DDHD1: variants seen among roughly 807,000 people sequenced by gnomAD.
The protein encoded by DDHD1 is phospholipase DDHD1.
In DDHD1, 49 loss-of-function variants were observed where a neutral mutation model predicts 96.4. The observed-to-expected ratio is 0.51, with a 90% CI of 0.40 to 0.64. DDHD1 has a LOEUF of 0.64. Ranked by LOEUF, DDHD1 falls within the 30% of genes least tolerant of loss-of-function variation. The pLI, the probability that DDHD1 is intolerant of heterozygous loss-of-function variation, is 0.00. For synonymous variants in DDHD1, 442 were observed against 446.5 expected, an observed-to-expected ratio of 0.99 and a Z score of 0.13; for missense variants, 1,106 against 1,161.2, an observed-to-expected ratio of 0.95 and a Z score of 0.69.
intron 3 of DDHD1, 107 bp downstream of exon 3, chr14:53,093,209 A>C (rs1886583987): frequency 8.6e-7 from 1 of 1,160,624 alleles, no homozygotes; most frequent in African/African-American, 1.6e-5. Flanking sequence ...ACTAAATTTA[A>C]TATACTTAAA....
rs955546373 is a variant in DDHD1, at chr14:53,040,510, A to G, written c.*6258T>C. The stretch of plus-strand genomic sequence containing the variant: ...GGTGAGCAAGATAACAAACGGATCA[A>G]TTCAGCTAGAGAAACACAGTATAAT... On this transcript the variant is annotated 3_prime_UTR_variant, in exon 13 of 13. Transcript: ENST00000673822. 1 of 152,218 alleles carries G rather than the reference A, an allele frequency of 6.6e-6. No homozygotes were observed. The highest frequency in any genetic ancestry group is 2.4e-5 in the African/African-American group (1 of 41,466). The allele number at this position is 152,218 out of a possible 1,614,324, so 9.4% of individuals were successfully genotyped here. A position where few individuals can be genotyped will look rare whatever the true frequency, so the allele number is the denominator to read the frequency against.
Position 53,045,383 on chromosome 14 carries a change from G to A in DDHD1, c.*1385C>T, listed in dbSNP as rs527337690. 8 of 152,178 alleles carry A rather than the reference G, an allele frequency of 5.3e-5. No homozygotes were observed. The East Asian group carries it at 1.6e-3, about 30-fold the overall frequency. 9.4% of individuals were successfully genotyped at this position (152,178 alleles called of 1,614,324 possible). A position where few individuals can be genotyped will look rare whatever the true frequency, so the allele number is the denominator to read the frequency against. On this transcript the variant is annotated 3_prime_UTR_variant, in exon 13 of 13. Coordinates refer to ENST00000673822, the MANE Select transcript of DDHD1 (RefSeq NM_001160148.2). Reference sequence around the variant, plus strand: ...ACTACAGGTGTACACCACTACAAGTGGCTAATTTTTGTCAGTTTTTGCAGA... The same window carrying A: ...ACTACAGGTGTACACCACTACAAGTAGCTAATTTTTGTCAGTTTTTGCAGA...
intron 1 of DDHD1, among the ~76,000 whole-genome samples, chr14:53,135,827 C>T (rs1566599252): frequency 6.6e-6 from 1 of 152,154 alleles, no homozygotes; most frequent in East Asian, 1.9e-4. Flanking sequence ...ATATATGTAA[C>T]AATGATTTTC....
intron 4 of DDHD1, among the ~76,000 whole-genome samples, chr14:53,086,780 G>T (rs1188308848): frequency 6.6e-6 from 1 of 151,958 alleles, no homozygotes; most frequent in African/African-American, 2.4e-5. Flanking sequence ...CATAATGACA[G>T]GATCAAATTC....
intron 1 of DDHD1, among the ~76,000 whole-genome samples, chr14:53,115,576 C>T (rs1410355100): frequency 6.6e-6 from 1 of 152,152 alleles, no homozygotes; most frequent in Non-Finnish European, 1.5e-5. Context: ...CAATATTCAA[C>T]ATTCTTAAGG....
intron 1 of DDHD1, among the ~76,000 whole-genome samples, chr14:53,116,085 TAA>T (rs1888521801): frequency 6.6e-6 from 1 of 152,156 alleles, no homozygotes; most frequent in African/African-American, 2.4e-5. Flanking sequence ...TCCTAATCTC[TAA>T]TAAAACAGAC....
At chr14:53,067,395 T>C (rs1053092992) in intron 6 of DDHD1, among the ~76,000 whole-genome samples, 4 of 151,770 alleles carry the variant, frequency 2.6e-5, no homozygotes, top group Non-Finnish European at 5.9e-5. Flanking sequence ...CAGCCTCAAG[T>C]GATCTGCCCG....
Position 53,040,652 on chromosome 14 carries a change from T to C in DDHD1, c.*6116A>G, listed in dbSNP as rs762383130. ...GAATAAAAGTTTAAAGTTTCTGTCA[T>C]CCAAACTGATCACTGCAGAGAGAAA... On this transcript the variant is annotated 3_prime_UTR_variant, in exon 13 of 13. Transcript: ENST00000673822. 2.0e-5 allele frequency: 3 copies of C among 152,162 alleles called. No homozygotes were observed. The highest frequency in any genetic ancestry group is 4.4e-5 in the Non-Finnish European group (3 of 68,036). The allele number at this position is 152,162 out of a possible 1,614,324, so 9.4% of individuals were successfully genotyped here.
intron 3 of DDHD1, chr14:53,092,785 G>A (rs531947263): frequency 5.9e-5 from 9 of 152,290 alleles, no homozygotes; most frequent in Admixed American, 5.2e-4. Context: ...TTAGTTCCAG[G>A]TTATGATGTG....
chr14:53,089,165 G>T (rs930028518), intron 4 of DDHD1, among the ~76,000 whole-genome samples: 4 of 151,984 alleles, frequency 2.6e-5, no homozygotes, highest in Admixed American at 6.6e-5. Context: ...AAATAAAAGA[G>T]GACACAAACA....
At chr14:53,130,766 C>T (rs867669669) in intron 1 of DDHD1, among the ~76,000 whole-genome samples, 12 of 152,190 alleles carry the variant, frequency 7.9e-5, no homozygotes, top group Non-Finnish European at 1.5e-4. Flanking sequence ...CACTGGAAAT[C>T]GGACTGTCCA....
chr14:53,131,903 GA>G (rs1301394849), intron 1 of DDHD1, among the ~76,000 whole-genome samples: 1 of 152,038 alleles, frequency 6.6e-6, no homozygotes, highest in East Asian at 1.9e-4. Flanking sequence ...AATTCTTCAT[GA>G]AAACATGCAT....
At chr14:53,058,448 G>GA (rs753312536) in intron 9 of DDHD1, 29 bp downstream of exon 9, 22 of 1,575,806 alleles carry the variant, frequency 1.4e-5, no homozygotes, top group South Asian at 7.1e-5. Flanking sequence ...TTGACATTGA[G>GA]AAAAAAAAGA....
chr14:53,152,127 C>CGTGGTG, intron 1 of DDHD1, 134 bp downstream of exon 1: 5 of 899,012 alleles, frequency 5.6e-6, no homozygotes, highest in Admixed American at 3.5e-5. Flanking sequence ...CCTGCTCAAT[C>CGTGGTG]TCCATCCTGC....
intron 4 of DDHD1, among the ~76,000 whole-genome samples, chr14:53,082,145 T>C (rs1228979485): frequency 6.6e-6 from 1 of 152,228 alleles, no homozygotes; most frequent in African/African-American, 2.4e-5. Context: ...CTGCTATGCA[T>C]GCACAAAAAT....
At chr14:53,047,862 T>C (rs1409520116) in intron 12 of DDHD1, among the ~76,000 whole-genome samples, 1 of 152,214 alleles carries the variant, frequency 6.6e-6, no homozygotes, top group Non-Finnish European at 1.5e-5. Context: ...TCCTTTAAAC[T>C]GTTAATGAGC....
chr14:53,065,132 T>C (rs1883912706), intron 6 of DDHD1, among the ~76,000 whole-genome samples: 1 of 152,150 alleles, frequency 6.6e-6, no homozygotes, highest in Non-Finnish European at 1.5e-5. Context: ...TTTTCAAAAG[T>C]TTAAAACAAT....
chr14:53,063,297 T>G, intron 6 of DDHD1, 92 bp from the exon 7 acceptor site: 1 of 1,397,256 alleles, frequency 7.2e-7, no homozygotes, highest in South Asian at 1.4e-5. Context: ...TAGAAAAACA[T>G]ACATTACCGA....
chr14:53,068,121 T>C (rs911329560), intron 6 of DDHD1, among the ~76,000 whole-genome samples: 1 of 152,150 alleles, frequency 6.6e-6, no homozygotes. Flanking sequence ...TAATATCTTT[T>C]ATTGCAGTTT....
Sources: allele counts gnomAD v4.1 joint callset (sites outside exome capture counted in the v4.1 genomes callset), GRCh38; gene constraint gnomAD v4.1.1; transcripts MANE v1.5; gene names NCBI Gene and HGNC (gene_info 2026-07-23, HGNC 2026-07-21).